The following EDA variants were observed in gnomAD, a reference collection of about 807,000 sequenced individuals.
EDA encodes the protein ectodysplasin-A.
A neutral mutation model predicts 23.6 loss-of-function variants in EDA; 2 were observed. That is an observed-to-expected ratio of 0.08 (90% CI 0.03 to 0.27). The LOEUF (loss-of-function observed/expected upper bound fraction) is 0.27. Among genes scored for constraint, EDA ranks in the 10% least tolerant of loss-of-function variants. The pLI is 1.00. For missense variants in EDA, 229 were observed against 324.2 expected (o/e 0.71, Z 2.26); for synonymous variants, 131 against 132.0 (o/e 0.99, Z 0.05).
intron 1 of EDA, among the ~76,000 whole-genome samples, chrX:69,915,650 C>T (rs1602531267): frequency 9.0e-6 from 1 of 110,562 alleles, no homozygotes; most frequent in East Asian, 2.8e-4. Flanking sequence ...TATTGAGTGC[C>T]TACTCTGCAC....
chrX:69,699,238 AG>A (rs1187076078), intron 1 of EDA, among the ~76,000 whole-genome samples: 1 of 111,600 alleles, frequency 9.0e-6, no homozygotes, highest in Non-Finnish European at 1.9e-5. Context: ...TTTAGAGGAT[AG>A]GAATTGTTTA....
At chrX:70,029,884 G>A (rs775680167) in intron 5 of EDA, among the ~76,000 whole-genome samples, 201 of 112,308 alleles carry the variant, frequency 1.8e-3, no homozygotes, top group African/African-American at 6.1e-3. Flanking sequence ...ACACCTTGCC[G>A]GCTCTCAGAC....
intron 1 of EDA, among the ~76,000 whole-genome samples, chrX:69,796,714 A>T (rs1471516172): frequency 8.9e-6 from 1 of 112,162 alleles, no homozygotes; most frequent in Non-Finnish European, 1.9e-5. Context: ...ATTCTGCAGC[A>T]ACAACTACAA....
At chrX:69,801,871 G>C (rs1324401610) in intron 1 of EDA, among the ~76,000 whole-genome samples, 1 of 111,566 alleles carries the variant, frequency 9.0e-6, no homozygotes. Context: ...CTAGAATGTA[G>C]AACGAGAGAC....
At chrX:69,980,104 C>G (rs1245942811) in intron 2 of EDA, among the ~76,000 whole-genome samples, 1 of 111,272 alleles carries the variant, frequency 9.0e-6, no homozygotes, top group Non-Finnish European at 1.9e-5. Context: ...GATTTCAGGG[C>G]TTTATAGCTT....
At chrX:70,015,257 C>A (rs1229449796) in intron 2 of EDA, among the ~76,000 whole-genome samples, 1 of 111,807 alleles carries the variant, frequency 8.9e-6, no homozygotes, top group Non-Finnish European at 1.9e-5. Flanking sequence ...AGATTGGGAG[C>A]CTATATTCAG....
At chrX:69,918,453 G>A (rs1391582517) in intron 1 of EDA, among the ~76,000 whole-genome samples, 3 of 111,675 alleles carry the variant, frequency 2.7e-5, no homozygotes, top group Non-Finnish European at 3.8e-5. Flanking sequence ...CACCGTGCCC[G>A]GCCAGGAAGC....
At chrX:69,661,443 T>A (rs973595638) in intron 1 of EDA, among the ~76,000 whole-genome samples, 1 of 108,119 alleles carries the variant, frequency 9.2e-6, no homozygotes, top group Non-Finnish European at 1.9e-5. Context: ...CTGAATGGTA[T>A]TGCCTAGGTT....
At chrX:69,660,614 A>G (rs1011382452) in intron 1 of EDA, among the ~76,000 whole-genome samples, 1 of 109,816 alleles carries the variant, frequency 9.1e-6, no homozygotes, top group Non-Finnish European at 1.9e-5. Context: ...TCATTGCGAT[A>G]GTTTGCTGAG....
At chrX:69,676,256 G>A (rs1010677463) in intron 1 of EDA, among the ~76,000 whole-genome samples, 1 of 111,650 alleles carries the variant, frequency 9.0e-6, no homozygotes, top group African/African-American at 3.3e-5. Context: ...TAGCTGCTGG[G>A]TTGAGACTAG....
At chrX:69,684,170 T>C (rs1466840005) in intron 1 of EDA, among the ~76,000 whole-genome samples, 1 of 112,305 alleles carries the variant, frequency 8.9e-6, no homozygotes, top group East Asian at 2.8e-4. Context: ...CTCATCATTA[T>C]GCTTTAATCA....
At chrX:69,983,760 A>G (rs2019452463) in intron 2 of EDA, among the ~76,000 whole-genome samples, 1 of 90,223 alleles carries the variant, frequency 1.1e-5, no homozygotes, top group Admixed American at 1.3e-4. Flanking sequence ...CTCGAGGAGT[A>G]TCTTTGTGGC....
intron 1 of EDA, among the ~76,000 whole-genome samples, chrX:69,697,817 T>A (rs749367355): frequency 8.9e-6 from 1 of 112,184 alleles, no homozygotes; most frequent in African/African-American, 3.2e-5. Context: ...ACTTTTCTGA[T>A]GTTTGAAGCA....
chrX:69,618,121 C>T (rs1178607476), intron 1 of EDA, among the ~76,000 whole-genome samples: 1 of 111,789 alleles, frequency 8.9e-6, no homozygotes, highest in Non-Finnish European at 1.9e-5. Context: ...GCCACTCCCC[C>T]CACACCCCAA....
rs111295167 is a variant in EDA, at chrX:69,646,796, G to T, written c.396+30092G>T. 4.4e-3 allele frequency among the ~76,000 whole-genome samples: 498 copies of T among 111,958 alleles called. 5 individuals are homozygous for T. The highest frequency in any genetic ancestry group is 0.016 in the African/African-American group (488 of 30,850). ...ATGTGGTTGCTTCATAGTGTCACTGGTTTGTGTACTTCAGTGTGTTTTGTA... is the reference window on the plus strand; with the variant it reads ...ATGTGGTTGCTTCATAGTGTCACTGTTTTGTGTACTTCAGTGTGTTTTGTA... On this transcript the variant is annotated intron_variant, in intron 1 of 7. Transcript: ENST00000374552.
intron 2 of EDA, among the ~76,000 whole-genome samples, chrX:69,964,108 T>C (rs2019141669): frequency 9.0e-6 from 1 of 111,234 alleles, no homozygotes; most frequent in African/African-American, 3.3e-5. Flanking sequence ...TTCTCAATAT[T>C]AGGGAAATTG....
chrX:69,648,977 A>G (rs1035516842), intron 1 of EDA, among the ~76,000 whole-genome samples: 2 of 111,267 alleles, frequency 1.8e-5, no homozygotes, highest in Admixed American at 9.5e-5. Context: ...ACAATCACTC[A>G]CAGCTTCCCT....
chrX:69,820,974 A>G (rs2016204816), intron 1 of EDA, among the ~76,000 whole-genome samples: 1 of 111,168 alleles, frequency 9.0e-6, no homozygotes. Context: ...CAGCTAAGAC[A>G]TGGAATCAAC....
intron 1 of EDA, among the ~76,000 whole-genome samples, chrX:69,681,838 C>T (rs1934365656): frequency 8.9e-6 from 1 of 111,896 alleles, no homozygotes; most frequent in Non-Finnish European, 1.9e-5. Context: ...AGTCATTCTC[C>T]GTCCGGCTTT....
Sources: allele counts gnomAD v4.1 joint callset (sites outside exome capture counted in the v4.1 genomes callset), GRCh38; gene constraint gnomAD v4.1.1; transcripts MANE v1.5; gene names NCBI Gene and HGNC (gene_info 2026-07-23, HGNC 2026-07-21).